Variants in ADAM12 observed in about 807,000 individuals in gnomAD.
ADAM12 encodes disintegrin and metalloproteinase domain-containing protein 12.
A neutral mutation model predicts 106.4 loss-of-function variants in ADAM12; 70 were observed. The ratio of observed to expected loss-of-function variants is 0.66; its 90% CI spans 0.54 to 0.80. The LOEUF is 0.80. ADAM12 is among the 30% of genes least tolerant of loss of function. The pLI is 0.00. For missense variants in ADAM12, 1,010 were observed against 1,171.9 expected (o/e 0.86, Z 2.02); for synonymous variants, 420 against 433.5 (o/e 0.97, Z 0.39).
At chr10:126,070,059 G>A (rs1954956426) in intron 12 of ADAM12, among the ~76,000 whole-genome samples, 1 of 152,156 alleles carries the variant, frequency 6.6e-6, no homozygotes, top group Non-Finnish European at 1.5e-5. Flanking sequence ...CAGCCAACAT[G>A]GCCTCTCCTG....
chr10:126,026,139 A>T (rs1035095834), intron 21 of ADAM12, among the ~76,000 whole-genome samples: 1 of 152,212 alleles, frequency 6.6e-6, no homozygotes, highest in East Asian at 1.9e-4. Context: ...AAACAAAGGG[A>T]TGGAGGAAAA....
At chr10:126,020,799 T>A (rs1913744) in intron 21 of ADAM12, among the ~76,000 whole-genome samples, 88,800 of 151,562 alleles carry the variant, frequency 0.59, 27,424 homozygotes, top group Non-Finnish European at 0.68. Flanking sequence ...GAGACCAGCC[T>A]GGCCAACATG....
chr10:126,330,412 C>A lies in ADAM12; in HGVS notation c.186G>T (p.Lys62Asn), dbSNP rs763428452. The A allele has an allele frequency of 2.5e-6, 4 of 1,611,212 alleles. No homozygotes were observed. The highest frequency in any genetic ancestry group is 3.4e-6 in the Non-Finnish European group (4 of 1,179,140). ...LWIPVKSFDS[K>N]NHPEVLNIRL... ...AGCTGAGAAAAGGAGAGGAACTCAC[C>A]TTGGAGTCGAAGCTCTTCACTGGGA... The change falls in exon 2 of 23, where the codon AAG becomes AAT. Residue 62 changes from lysine to asparagine, a missense_variant and splice_region_variant. Transcript: ENST00000448723.
At chr10:126,270,668 G>C (rs1258089837) in intron 3 of ADAM12, among the ~76,000 whole-genome samples, 1 of 152,156 alleles carries the variant, frequency 6.6e-6, no homozygotes, top group African/African-American at 2.4e-5. Flanking sequence ...GTGGCGCCAG[G>C]CATTGCCCCT....
chr10:126,213,047 G>A (rs910312550), intron 3 of ADAM12, among the ~76,000 whole-genome samples: 6 of 152,086 alleles, frequency 3.9e-5, no homozygotes, highest in African/African-American at 1.4e-4. Context: ...CCTTCCAAGA[G>A]CTCTACAAGA....
intron 3 of ADAM12, among the ~76,000 whole-genome samples, chr10:126,200,087 A>G (rs1957671129): frequency 6.6e-6 from 1 of 152,156 alleles, no homozygotes; most frequent in Non-Finnish European, 1.5e-5. Flanking sequence ...TCACTGTTCT[A>G]TTAATTAGAA....
intron 2 of ADAM12, among the ~76,000 whole-genome samples, chr10:126,314,330 G>A (rs937819642): frequency 6.6e-6 from 1 of 152,184 alleles, no homozygotes; most frequent in Non-Finnish European, 1.5e-5. Flanking sequence ...ACCAGCTGGG[G>A]ATGCTGTGGG....
chr10:126,298,435 G>C (rs1447428894), intron 2 of ADAM12, among the ~76,000 whole-genome samples: 1 of 152,174 alleles, frequency 6.6e-6, no homozygotes, highest in Admixed American at 6.5e-5. Flanking sequence ...ACAGCTGAAG[G>C]AAGAAATCGT....
chr10:126,358,339 A>G (rs892893363), intron 1 of ADAM12, among the ~76,000 whole-genome samples: 2 of 152,232 alleles, frequency 1.3e-5, no homozygotes, highest in Non-Finnish European at 2.9e-5. Flanking sequence ...GGATGTTTCA[A>G]CACAGACAAA....
chr10:126,352,304 T>C (rs1855390990), intron 1 of ADAM12, among the ~76,000 whole-genome samples: 1 of 152,192 alleles, frequency 6.6e-6, no homozygotes, highest in Admixed American at 6.5e-5. Flanking sequence ...CATTGTTTTG[T>C]TTTCCTTCAA....
chr10:126,109,776 T>C lies in ADAM12; in HGVS notation c.668A>G (p.Glu223Gly), dbSNP rs1225881584. The change falls in exon 7 of 23, where the codon GAG becomes GGG. Residue 223 changes from glutamate to glycine, a missense_variant and splice_region_variant. By Grantham distance (98) the Glu-to-Gly change is moderately conservative. This residue lies in a region of ADAM12 where 391 missense variants were observed against 442.9 expected (regional missense o/e 0.88). Coordinates refer to ENST00000448723, the MANE Select transcript of ADAM12 (RefSeq NM_001288973.2). ...TGAGAAATTTTAAAAAGTTCTTACC[T>C]CTCGGTTGTCTGCCACGATCACCAG... ...VELVIVADNR[E>G]FQRQGKDLEK... is the part of the protein sequence containing the mutation. 3 of 1,612,004 alleles carry C rather than the reference T, an allele frequency of 1.9e-6. No homozygotes were observed. The highest frequency in any genetic ancestry group is 2.5e-6 in the Non-Finnish European group (3 of 1,179,546).
At position 126,055,097 on chromosome 10, in the gene ADAM12, T is replaced by C. The variant is rs1954600546; in HGVS notation, c.1610-5428A>G. ...TCTCATCTGAAACCCTAATAGTTTT[T>C]GCACATCCTTTGCATATAAATCAGA... On this transcript the variant is annotated intron_variant, in intron 14 of 22. Transcript: ENST00000448723. Among the ~76,000 whole-genome samples, 4 of 152,362 alleles carry C rather than the reference T, an allele frequency of 2.6e-5. No individual in the cohort carries two copies. In the South Asian group the frequency reaches 8.3e-4, roughly 32 times the overall value.
chr10:126,181,460 T>G (rs1957311315), intron 3 of ADAM12, among the ~76,000 whole-genome samples: 1 of 152,206 alleles, frequency 6.6e-6, no homozygotes. Context: ...CTGATATATA[T>G]TACATGATAC....
chr10:126,130,262 C>T (rs546502225), intron 5 of ADAM12, among the ~76,000 whole-genome samples: 1 of 152,218 alleles, frequency 6.6e-6, no homozygotes, highest in East Asian at 1.9e-4. Flanking sequence ...TACAGCTTCC[C>T]CTCACCCTGG....
chr10:126,299,863 T>A (rs563821269), intron 2 of ADAM12, among the ~76,000 whole-genome samples: 2 of 152,192 alleles, frequency 1.3e-5, no homozygotes, highest in Admixed American at 1.3e-4. Flanking sequence ...AGGCTGGTCT[T>A]GAACTCCTGA....
chr10:126,178,813 G>A (rs778486578), intron 3 of ADAM12, among the ~76,000 whole-genome samples: 14 of 152,116 alleles, frequency 9.2e-5, no homozygotes, highest in Non-Finnish European at 1.6e-4. Flanking sequence ...TTAGGAGGCC[G>A]AGGTGGGTGG....
chr10:126,055,508 G>A (rs1424912303), intron 14 of ADAM12, among the ~76,000 whole-genome samples: 3 of 152,216 alleles, frequency 2.0e-5, no homozygotes, highest in Admixed American at 1.3e-4. Flanking sequence ...TAGCCACCCT[G>A]TAAGGTCTAC....
At chr10:126,381,857 C>T (rs1331290083) in intron 1 of ADAM12, among the ~76,000 whole-genome samples, 2 of 151,732 alleles carry the variant, frequency 1.3e-5, no homozygotes, top group African/African-American at 4.8e-5. Flanking sequence ...TGCCTGGAGT[C>T]CCAGCTACTA....
Position 126,036,198 on chromosome 10 carries a change from G to T in ADAM12, c.2477C>A (p.Pro826His). ...TGGCAGGGGTCTGGCAGGGACGCTAGGTGCACGTGGAGCCCGGTGGAGGGG... is the reference window on the plus strand; with the variant it reads ...TGGCAGGGGTCTGGCAGGGACGCTATGTGCACGTGGAGCCCGGTGGAGGGG... ...LPPLHRAPRA[P>H]SVPARPLPAK... Residue 826 changes from proline to histidine, a missense_variant, in exon 21 of 23, where the codon CCT (proline) becomes CAT (histidine). Physicochemically the swap from Pro to His is moderately conservative, Grantham distance 77. This residue lies in a region of ADAM12 where 615 missense variants were observed against 708.5 expected (regional missense o/e 0.87). Transcript: ENST00000448723. 6.5e-7 allele frequency: 1 copy of T among 1,540,316 alleles called. No homozygotes were observed.
Sources: gnomAD v4.1 joint callset for allele counts (sites outside exome capture counted in the v4.1 genomes callset) on GRCh38, gnomAD v4.1.1 for gene constraint, gnomAD v4.1.1 regional missense constraint, MANE v1.5 for transcripts, NCBI Gene and HGNC (gene_info 2026-07-23, HGNC 2026-07-21) for gene names.